Variants in PCNX4 observed in about 807,000 individuals in gnomAD.
PCNX4 encodes the protein pecanex 4, also known as pecanex-like protein 4.
Under a neutral mutation model 107.2 loss-of-function variants are expected in PCNX4, and 103 were observed. The observed-to-expected ratio is 0.96, with a 90% CI of 0.82 to 1.13. The LOEUF is 1.13. PCNX4 is among the 50% of genes most tolerant of loss of function. PCNX4 has a pLI of 0.00. For synonymous variants in PCNX4, 541 were observed against 481.7 expected (o/e 1.12, Z -1.61); for missense variants, 1,528 against 1,379.4 (o/e 1.11, Z -1.71).
At chr14:60,127,498 C>T (rs1896077456) in intron 10 of PCNX4, among the ~76,000 whole-genome samples, 1 of 152,198 alleles carries the variant, frequency 6.6e-6, no homozygotes, top group Non-Finnish European at 1.5e-5. Context: ...TGTGCATTCA[C>T]AGTTTGGCTG....
At chr14:60,125,581 A>T (rs1338097580) in intron 9 of PCNX4, 56 bp from the exon 10 acceptor site, 1 of 1,219,690 alleles carries the variant, frequency 8.2e-7, no homozygotes, top group Non-Finnish European at 1.1e-6. Context: ...AATCTATTTG[A>T]TCTTTAAAGT....
In PCNX4 at chr14:60,134,100, A is replaced by G; in HGVS notation, c.3398A>G (p.Glu1133Gly). The change falls in exon 11 of 11, where the codon GAA becomes GGA. Residue 1133 changes from glutamate to glycine, a missense_variant. Transcript: ENST00000406854. ...TTACTTTATGCCACAAACGATGATG[A>G]AGAACGTTATAGTATACAAGCTCAT... is the stretch of plus-strand genomic sequence containing the variant. ...WELLYATNDD[E>G]ERYSIQAHPL... 6.2e-7 allele frequency: 1 copy of G among 1,613,880 alleles called. No individual in the cohort carries two copies. Among genetic ancestry groups the G allele is most frequent in the South Asian group, 1.1e-5 (1 of 91,084 alleles).
At position 60,107,638 on chromosome 14, in the gene PCNX4, G is replaced by A. The variant is rs553816070; in HGVS notation, c.-1G>A. ...GACTTTCAGAATAATCCCGAGTGAG[G>A]ATGAGTCCAGATGTGCCTCTACTGA... On this transcript the variant is annotated 5_prime_UTR_variant, in exon 2 of 11. Transcript: ENST00000406854. The A allele has an allele frequency of 3.7e-6, 6 of 1,603,650 alleles. No homozygotes were observed. The South Asian group carries it at 6.7e-5, about 18-fold the overall frequency.
Position 60,115,340 on chromosome 14 carries a change from T to C in PCNX4, c.1236T>C (p.Tyr412=). The change falls in exon 4 of 11, where the codon TAT becomes TAC. Residue 412 remains tyrosine, a synonymous_variant. Coordinates refer to ENST00000406854, the MANE Select transcript of PCNX4 (RefSeq NM_001330177.2). ...LWILREIQSV[Y]IIGIFRNPFY... ...TACTTAGAGAAATTCAAAGCGTATATATCATTGGAATTTTCCGAAATCCCT... is the reference window on the plus strand; with the variant it reads ...TACTTAGAGAAATTCAAAGCGTATACATCATTGGAATTTTCCGAAATCCCT... 6.2e-7 allele frequency: 1 copy of C among 1,606,362 alleles called. No homozygotes were observed. The highest frequency in any genetic ancestry group is 8.5e-7 in the Non-Finnish European group (1 of 1,175,300).
intron 7 of PCNX4, 95 bp from the exon 8 acceptor site, chr14:60,121,101 G>T (rs1327508377): frequency 7.0e-7 from 1 of 1,430,720 alleles, no homozygotes; most frequent in Non-Finnish European, 9.3e-7. Flanking sequence ...ATCAGTTCTA[G>T]ATGTCTTTTT....
At chr14:60,098,184 G>A (rs1895463095) in intron 1 of PCNX4, among the ~76,000 whole-genome samples, 2 of 151,938 alleles carry the variant, frequency 1.3e-5, no homozygotes, top group African/African-American at 2.4e-5. Flanking sequence ...CCCCCTGGCT[G>A]GAGAGATGTC....
chr14:60,114,909 G>A, intron 3 of PCNX4, 30 bp downstream of exon 3: 1 of 1,570,766 alleles, frequency 6.4e-7, no homozygotes, highest in Non-Finnish European at 8.6e-7. Flanking sequence ...GATGTTATAT[G>A]TAATATTCTT....
At chr14:60,123,468 A>T (rs1221403894) in intron 8 of PCNX4, among the ~76,000 whole-genome samples, 3 of 151,826 alleles carry the variant, frequency 2.0e-5, no homozygotes, top group African/African-American at 4.9e-5. Context: ...ACAAGTTCTG[A>T]AGGCACTGAC....
rs1456939036 is a variant in PCNX4 at position 60,135,015 on chromosome 14, T to C, written c.*794T>C. On this transcript the variant is annotated 3_prime_UTR_variant, in exon 11 of 11. Transcript: ENST00000406854. ...CCAGTTACTAGTGTCTTAAGGTATA[T>C]GAACTAAAGTCAGAAGGAGATGGAA... is the stretch of plus-strand genomic sequence containing the variant. 6.6e-6 allele frequency: 1 copy of C among 152,220 alleles called. No individual in the cohort carries two copies. Among genetic ancestry groups the C allele is most frequent in the Admixed American group, 6.5e-5 (1 of 15,280 alleles). The allele number at this position is 152,220 out of a possible 1,614,324, so 9.4% of individuals were successfully genotyped here.
At chr14:60,108,658 G>A (rs530989608) in intron 2 of PCNX4, 25 of 180,100 alleles carry the variant, frequency 1.4e-4, no homozygotes, top group Middle Eastern at 5.7e-3. Context: ...TCCTGTGGGG[G>A]GAAAGAAGAA....
chr14:60,144,487 T>C lies in PCNX4; in HGVS notation c.*10266T>C, dbSNP rs2140580730. ...TCTTTCCCTTCTGTCCCTTCCACCA[T>C]GTGAGGACATACATTCCTCCACTGT... On this transcript the variant is annotated 3_prime_UTR_variant, in exon 11 of 11. Transcript: ENST00000406854. 6.3e-6 allele frequency: 1 copy of C among 157,622 alleles called. No homozygotes were observed. Among genetic ancestry groups the C allele is most frequent in the African/African-American group, 2.4e-5 (1 of 41,592 alleles). 9.8% of individuals were successfully genotyped at this position (157,622 alleles called of 1,614,324 possible). A position where few individuals can be genotyped will look rare whatever the true frequency, so the allele number is the denominator to read the frequency against.
At chr14:60,099,993 A>G (rs1895498802) in intron 1 of PCNX4, among the ~76,000 whole-genome samples, 1 of 152,092 alleles carries the variant, frequency 6.6e-6, no homozygotes, top group South Asian at 2.1e-4. Flanking sequence ...TGAACCTAGG[A>G]GGCAGAGGTT....
At position 60,121,312 on chromosome 14, in the gene PCNX4, A is replaced by G. The variant is rs891194069; in HGVS notation, c.2046+13A>G. ...TATTAACATTAAGGTCAGTGTGCATATAAAACATCTGTAGTATTTTTATAG... is the reference window on the plus strand; with the variant it reads ...TATTAACATTAAGGTCAGTGTGCATGTAAAACATCTGTAGTATTTTTATAG... On this transcript the variant is annotated intron_variant, in intron 8 of 10. Transcript: ENST00000406854. 2 of 1,603,494 alleles carry G rather than the reference A, an allele frequency of 1.2e-6. No homozygotes were observed. Among genetic ancestry groups the G allele is most frequent in the African/African-American group, 2.7e-5 (2 of 74,382 alleles).
chr14:60,121,671 A>T (rs1351211745), intron 8 of PCNX4, among the ~76,000 whole-genome samples: 1 of 151,958 alleles, frequency 6.6e-6, no homozygotes, highest in Non-Finnish European at 1.5e-5. Context: ...GCTATACCCT[A>T]TTTGTCTCCT....
intron 8 of PCNX4, 27 bp from the exon 9 acceptor site, chr14:60,124,191 C>A: frequency 1.3e-6 from 2 of 1,485,270 alleles, no homozygotes; most frequent in Non-Finnish European, 1.8e-6. Flanking sequence ...TGATTATAAA[C>A]TCAAGTACTT....
At chr14:60,122,797 G>A (rs957027227) in intron 8 of PCNX4, among the ~76,000 whole-genome samples, 3 of 152,050 alleles carry the variant, frequency 2.0e-5, no homozygotes, top group African/African-American at 7.2e-5. Context: ...CAAATGTTTT[G>A]TTTTGTTTTG....
In PCNX4 at chr14:60,100,243, AC is replaced by A. The variant is rs747333775; in HGVS notation, c.-53-7341del. ...ATGAGCCAATTTACAAAAAAAAAAT[AC>A]CATTTTTCTGCACACACACACGCCC... is the stretch of plus-strand genomic sequence containing the variant. On this transcript the variant is annotated intron_variant, in intron 1 of 10. Transcript: ENST00000406854. Among the ~76,000 whole-genome samples the A allele has an allele frequency of 2.8e-4, 43 of 152,196 alleles. 1 individual carries two copies. The highest frequency in any genetic ancestry group is 1.2e-3 in the Admixed American group (19 of 15,298).
chr14:60,114,622 CT>C, intron 2 of PCNX4, 77 bp from the exon 3 acceptor site: 1 of 1,202,018 alleles, frequency 8.3e-7, no homozygotes, highest in East Asian at 2.4e-5. Context: ...TGTTGTTATT[CT>C]GTGTTGCTTT....
chr14:60,121,805 G>C (rs910678466), intron 8 of PCNX4, among the ~76,000 whole-genome samples: 3 of 152,064 alleles, frequency 2.0e-5, no homozygotes, highest in Admixed American at 1.3e-4. Context: ...GCCTGCTCTT[G>C]TCAAGGTCTC....
Sources: allele counts gnomAD v4.1 joint callset (sites outside exome capture counted in the v4.1 genomes callset), GRCh38; gene constraint gnomAD v4.1.1; transcripts MANE v1.5; gene names NCBI Gene and HGNC (gene_info 2026-07-23, HGNC 2026-07-21).